Variants in BMERB1 observed in about 807,000 individuals in gnomAD.
BMERB1 encodes the protein bMERB domain-containing protein 1.
Under a neutral mutation model 23.6 loss-of-function variants are expected in BMERB1, and 12 were observed. That is an observed-to-expected ratio of 0.51 (90% CI 0.33 to 0.82). The LOEUF (loss-of-function observed/expected upper bound fraction) is 0.82, where lower values mean the gene tolerates loss of function less well. BMERB1 is among the 40% of genes least tolerant of loss of function. BMERB1 has a pLI of 0.03. For synonymous variants in BMERB1, 122 were observed against 96.6 expected (o/e 1.26, Z -1.54); for missense variants, 247 against 255.4 (o/e 0.97, Z 0.22).
At chr16:15,450,411 C>T (rs186676983) in intron 1 of BMERB1, among the ~76,000 whole-genome samples, 1 of 152,258 alleles carries the variant, frequency 6.6e-6, no homozygotes, top group Admixed American at 6.5e-5. Context: ...TGGGTTTGGT[C>T]TGAAGGCTCA....
intron 1 of BMERB1, among the ~76,000 whole-genome samples, chr16:15,495,034 C>T (rs921673271): frequency 1.3e-5 from 2 of 151,318 alleles, no homozygotes; most frequent in Non-Finnish European, 2.9e-5. Context: ...CAGGCATGCG[C>T]CACCACCCCT....
In BMERB1 at chr16:15,586,908, A is replaced by T. The variant is rs893751789; in HGVS notation, c.*79A>T. 2.1e-6 allele frequency: 2 copies of T among 938,368 alleles called. No homozygotes were observed. Among genetic ancestry groups the T allele is most frequent in the African/African-American group, 3.5e-5 (2 of 56,936 alleles). The allele number at this position is 938,368 out of a possible 1,614,324, so 58.1% of individuals were successfully genotyped here. ...TATAGCCCCCATTTCACCGGGGCCCAAGAGCTCTCCAAGGCAGAAGGGGTT... is the reference window on the plus strand; with the variant it reads ...TATAGCCCCCATTTCACCGGGGCCCTAGAGCTCTCCAAGGCAGAAGGGGTT... On this transcript the variant is annotated 3_prime_UTR_variant, in exon 6 of 6. Coordinates refer to ENST00000300006, the MANE Select transcript of BMERB1 (RefSeq NM_033201.3).
intron 1 of BMERB1, among the ~76,000 whole-genome samples, chr16:15,464,856 A>G (rs1279437246): frequency 6.6e-6 from 1 of 152,118 alleles, no homozygotes; most frequent in Non-Finnish European, 1.5e-5. Flanking sequence ...TGTGACCTGT[A>G]TCTTGTGACC....
At chr16:15,567,506 G>A (rs1239632366) in intron 2 of BMERB1, among the ~76,000 whole-genome samples, 1 of 152,174 alleles carries the variant, frequency 6.6e-6, no homozygotes, top group Non-Finnish European at 1.5e-5. Context: ...CCAGCACTTT[G>A]GGAGGCTGAG....
At chr16:15,526,795 T>C (rs953254187) in intron 2 of BMERB1, among the ~76,000 whole-genome samples, 13 of 150,016 alleles carry the variant, frequency 8.7e-5, no homozygotes, top group Non-Finnish European at 1.9e-4. Flanking sequence ...GAGAAAAATA[T>C]GAGGGAATGG....
intron 1 of BMERB1, among the ~76,000 whole-genome samples, chr16:15,444,480 C>G (rs917394361): frequency 6.6e-6 from 1 of 152,036 alleles, no homozygotes; most frequent in Non-Finnish European, 1.5e-5. Flanking sequence ...CCTCAGTTTC[C>G]TCATCTGTAA....
chr16:15,555,839 A>T (rs1239101240), intron 2 of BMERB1, among the ~76,000 whole-genome samples: 3 of 152,078 alleles, frequency 2.0e-5, no homozygotes, highest in Admixed American at 2.0e-4. Flanking sequence ...AGCTGAACCA[A>T]TGCACATGTT....
intron 2 of BMERB1, among the ~76,000 whole-genome samples, chr16:15,525,820 CT>C (rs2051900254): frequency 6.6e-6 from 1 of 151,980 alleles, no homozygotes; most frequent in Non-Finnish European, 1.5e-5. Context: ...CCTTTTTATT[CT>C]CAGAAATTTT....
chr16:15,584,148 A>G (rs2031083767), intron 5 of BMERB1: 4 of 670,410 alleles, frequency 6.0e-6, no homozygotes, highest in African/African-American at 1.8e-5. Flanking sequence ...CCCAGTGTCC[A>G]TTAGGATATT....
In BMERB1 at chr16:15,583,243, G is replaced by A; in HGVS notation, c.502+5G>A. On this transcript the variant is annotated splice_donor_5th_base_variant and intron_variant, in intron 5 of 5. Coordinates refer to ENST00000300006, the MANE Select transcript of BMERB1 (RefSeq NM_033201.3). ...AAGTAACCAAATCTCCAGCCAGTGA[G>A]TATATACATTATTCATTCCCCTCCC... 1 of 1,590,560 alleles carries A rather than the reference G, an allele frequency of 6.3e-7. No homozygotes were observed. Among genetic ancestry groups the A allele is most frequent in the Non-Finnish European group, 8.6e-7 (1 of 1,158,710 alleles).
At chr16:15,548,875 G>T (rs747046406) in intron 2 of BMERB1, among the ~76,000 whole-genome samples, 1 of 152,218 alleles carries the variant, frequency 6.6e-6, no homozygotes, top group African/African-American at 2.4e-5. Context: ...CTTCAGAGAA[G>T]TGTGCTCTGT....
At chr16:15,534,151 T>A (rs888343668) in intron 2 of BMERB1, among the ~76,000 whole-genome samples, 2 of 151,820 alleles carry the variant, frequency 1.3e-5, no homozygotes, top group Admixed American at 1.3e-4. Flanking sequence ...GTGTCATTGA[T>A]CTCTTCACAG....
At chr16:15,534,302 A>AAAAG (rs2052002499) in intron 2 of BMERB1, among the ~76,000 whole-genome samples, 1 of 137,242 alleles carries the variant, frequency 7.3e-6, no homozygotes, top group African/African-American at 2.9e-5. Context: ...AAAAAAAAAA[A>AAAAG]AAAAAAAAAA....
intron 1 of BMERB1, among the ~76,000 whole-genome samples, chr16:15,452,323 G>GGAGGGAGGGAGA (rs148259443): frequency 0.66 from 79,979 of 121,794 alleles, 27,269 homozygotes; most frequent in East Asian, 0.88. Context: ...GGAGAGAGAG[G>GGAGGGAGGGAGA]GAGGGAGGGA....
At chr16:15,452,323 G>GGAGGAGGGAGA (rs1555505644) in intron 1 of BMERB1, among the ~76,000 whole-genome samples, 15 of 122,378 alleles carry the variant, frequency 1.2e-4, no homozygotes, top group African/African-American at 4.5e-4. Flanking sequence ...GGAGAGAGAG[G>GGAGGAGGGAGA]GAGGGAGGGA....
chr16:15,515,513 C>T, intron 2 of BMERB1, 85 bp downstream of exon 2: 1 of 1,499,000 alleles, frequency 6.7e-7, no homozygotes. Flanking sequence ...CTACTGTGTG[C>T]CAGGCACTGA....
At chr16:15,473,287 CT>C (rs549143781) in intron 1 of BMERB1, among the ~76,000 whole-genome samples, 2,345 of 137,322 alleles carry the variant, frequency 0.017, 47 homozygotes, top group African/African-American at 0.052. Flanking sequence ...TTCCTTTAGC[CT>C]TTTTTTTTTT....
chr16:15,476,090 TGA>T (rs1477260692), intron 1 of BMERB1, among the ~76,000 whole-genome samples: 1 of 152,006 alleles, frequency 6.6e-6, no homozygotes, highest in Non-Finnish European at 1.5e-5. Context: ...TTCCAAAGGC[TGA>T]GAGATGACCT....
At chr16:15,514,015 A>C (rs1432767909) in intron 1 of BMERB1, among the ~76,000 whole-genome samples, 3 of 152,206 alleles carry the variant, frequency 2.0e-5, no homozygotes, top group Non-Finnish European at 4.4e-5. Context: ...TCACGCTTGT[A>C]ATCCCAGCAC....
Sources: gnomAD v4.1 joint callset for allele counts (sites outside exome capture counted in the v4.1 genomes callset) on GRCh38, gnomAD v4.1.1 for gene constraint, MANE v1.5 for transcripts, NCBI Gene and HGNC (gene_info 2026-07-23, HGNC 2026-07-21) for gene names.